Variants in KCNK1 observed in about 807,000 individuals in gnomAD.
KCNK1 encodes potassium channel subfamily K member 1.
Under a neutral mutation model 22.2 loss-of-function variants are expected in KCNK1, and 10 were observed. That is an observed-to-expected ratio of 0.45 (90% CI 0.28 to 0.76). The LOEUF is 0.76. Ranked by LOEUF, KCNK1 falls within the 30% of genes least tolerant of loss-of-function variation. The probability of loss-of-function intolerance (pLI) is 0.14; values close to 1 mark genes in which losing one functional copy is unlikely to be tolerated. For synonymous variants in KCNK1, 200 were observed against 186.4 expected (o/e 1.07, Z -0.60); for missense variants, 378 against 421.0 (o/e 0.90, Z 0.89).
intron 1 of KCNK1, among the ~76,000 whole-genome samples, chr1:233,645,870 A>T (rs544950059): frequency 3.9e-4 from 60 of 152,242 alleles, no homozygotes; most frequent in Non-Finnish European, 3.5e-4. Context: ...TTCTGAAAGT[A>T]GAACCAACAG....
chr1:233,652,017 A>G (rs1658209226), intron 1 of KCNK1, among the ~76,000 whole-genome samples: 1 of 152,192 alleles, frequency 6.6e-6, no homozygotes, highest in Admixed American at 6.5e-5. Context: ...TGAGGCAACA[A>G]AGGTAGCCTT....
rs1658599940 is a variant in KCNK1, at chr1:233,671,583, A to G, written c.*53A>G. On this transcript the variant is annotated 3_prime_UTR_variant, in exon 3 of 3. Coordinates refer to ENST00000366621, the MANE Select transcript of KCNK1 (RefSeq NM_002245.4). ...GCACCAGGGTCAGGGTGCAAGGAAGAGGCTTAAGTATGTTCATTTTTATCA... is the reference window on the plus strand; with the variant it reads ...GCACCAGGGTCAGGGTGCAAGGAAGGGGCTTAAGTATGTTCATTTTTATCA... The G allele has an allele frequency of 2.5e-6, 4 of 1,581,336 alleles. No individual in the cohort carries two copies. Among genetic ancestry groups the G allele is most frequent in the Non-Finnish European group, 3.4e-6 (4 of 1,160,242 alleles).
intron 1 of KCNK1, among the ~76,000 whole-genome samples, chr1:233,629,053 G>C (rs1373425223): frequency 6.6e-6 from 1 of 152,068 alleles, no homozygotes; most frequent in Non-Finnish European, 1.5e-5. Flanking sequence ...TATAATCCTA[G>C]GTCTTTGGAA....
chr1:233,649,464 ACTCTT>A (rs1353680375), intron 1 of KCNK1, among the ~76,000 whole-genome samples: 2 of 152,238 alleles, frequency 1.3e-5, no homozygotes, highest in African/African-American at 4.8e-5. Context: ...TTTTTCCTCT[ACTCTT>A]GCATGAAGAA....
At chr1:233,614,894 A>G (rs1657459499) in intron 1 of KCNK1, among the ~76,000 whole-genome samples, 1 of 152,114 alleles carries the variant, frequency 6.6e-6, no homozygotes, top group Non-Finnish European at 1.5e-5. Flanking sequence ...CACTAAGCCA[A>G]ACTGTCGGGT....
intron 1 of KCNK1, among the ~76,000 whole-genome samples, chr1:233,649,128 C>A (rs1312486995): frequency 1.3e-5 from 2 of 152,182 alleles, no homozygotes; most frequent in Admixed American, 1.3e-4. Flanking sequence ...GTGTATTTTT[C>A]TGCATAGATG....
chr1:233,633,069 C>G (rs1365484325), intron 1 of KCNK1, among the ~76,000 whole-genome samples: 1 of 151,644 alleles, frequency 6.6e-6, no homozygotes, highest in South Asian at 2.1e-4. Context: ...TTCTGTCTGC[C>G]ATTTCAATGA....
At chr1:233,641,892 A>G (rs1658005368) in intron 1 of KCNK1, among the ~76,000 whole-genome samples, 2 of 152,232 alleles carry the variant, frequency 1.3e-5, no homozygotes, top group Admixed American at 1.3e-4. Flanking sequence ...GTCTGCAGGG[A>G]GCCGCTTGGG....
Position 233,671,668 on chromosome 1 carries a change from TA to T in KCNK1, c.*144del. 4.0e-6 allele frequency: 4 copies of T among 1,002,396 alleles called. No individual in the cohort carries two copies. The allele number at this position is 1,002,396 out of a possible 1,614,324, so 62.1% of individuals were successfully genotyped here. A position where few individuals can be genotyped will look rare whatever the true frequency, so the allele number is the denominator to read the frequency against. On this transcript the variant is annotated 3_prime_UTR_variant, in exon 3 of 3. Transcript: ENST00000366621. ...ATAGCTACTGTTTGCAATGTCTTATTAAAAAACAACAAAAAAAGACAAATGG... is the reference window on the plus strand; with the variant it reads ...ATAGCTACTGTTTGCAATGTCTTATTAAAAACAACAAAAAAAGACAAATGG...
intron 1 of KCNK1, chr1:233,629,609 T>C (rs1657755386): frequency 6.6e-6 from 1 of 152,112 alleles, no homozygotes; most frequent in African/African-American, 2.4e-5. Flanking sequence ...TGCACCGTGA[T>C]AAATAGCCTG....
At chr1:233,631,532 AC>A (rs1465509917) in intron 1 of KCNK1, 2 of 329,158 alleles carry the variant, frequency 6.1e-6, no homozygotes, top group East Asian at 1.6e-4. Context: ...CTGCTTGTAG[AC>A]ATTATGGTTT....
In KCNK1 at chr1:233,636,305, G is replaced by A. The variant is rs192598708; in HGVS notation, c.355+21779G>A. Among the ~76,000 whole-genome samples, 25 of 152,290 alleles carry A rather than the reference G, an allele frequency of 1.6e-4. No homozygotes were observed. In the East Asian group the frequency reaches 3.3e-3, roughly 20 times the overall value. ...CTCCTGTTTATGGGAGGCTGGGGCC[G>A]ATCAGGGAGACCAGCTGGGAAGCTA... On this transcript the variant is annotated intron_variant, in intron 1 of 2. Coordinates refer to ENST00000366621, the MANE Select transcript of KCNK1 (RefSeq NM_002245.4).
chr1:233,619,174 C>T (rs1657535234), intron 1 of KCNK1, among the ~76,000 whole-genome samples: 1 of 152,024 alleles, frequency 6.6e-6, no homozygotes, highest in Non-Finnish European at 1.5e-5. Flanking sequence ...CACACCACCG[C>T]ACCTGGCCAA....
At chr1:233,626,837 CAGT>C (rs1408138826) in intron 1 of KCNK1, among the ~76,000 whole-genome samples, 5 of 152,052 alleles carry the variant, frequency 3.3e-5, no homozygotes, top group Non-Finnish European at 5.9e-5. Flanking sequence ...TTAAAATTAA[CAGT>C]AGGATATTTA....
At chr1:233,646,691 AACAG>A (rs1483844376) in intron 1 of KCNK1, among the ~76,000 whole-genome samples, 2 of 152,166 alleles carry the variant, frequency 1.3e-5, no homozygotes, top group Non-Finnish European at 2.9e-5. Flanking sequence ...CAACACGGGA[AACAG>A]ACAGAAATTC....
At position 233,666,839 on chromosome 1, in the gene KCNK1, C is replaced by T. The variant is rs79423692; in HGVS notation, c.600C>T (p.Ala200=). The part of the protein sequence containing the change: ...VTVSCFFFIP[A]AVFSVLEDDW... ...TGTCCTGCTTCTTCTTCATCCCGGC[C>T]GCTGTCTTCTCAGTCCTGGAGGATG... The change falls in exon 2 of 3, where the codon GCC becomes GCT. Residue 200 remains alanine, a synonymous_variant. Transcript: ENST00000366621. The T allele has an allele frequency of 1.3e-4, 208 of 1,614,166 alleles. 1 individual carries two copies. The East Asian group carries it at 3.9e-3, about 30-fold the overall frequency.
chr1:233,662,715 C>T (rs1658419898), intron 1 of KCNK1, among the ~76,000 whole-genome samples: 1 of 152,148 alleles, frequency 6.6e-6, no homozygotes, highest in Admixed American at 6.5e-5. Context: ...GATGCAAGCT[C>T]ATAACAGGAA....
chr1:233,659,592 T>C (rs574295223), intron 1 of KCNK1, among the ~76,000 whole-genome samples: 1 of 152,060 alleles, frequency 6.6e-6, no homozygotes, highest in South Asian at 2.1e-4. Flanking sequence ...TATAATCGTA[T>C]GTGCTATACT....
intron 1 of KCNK1, among the ~76,000 whole-genome samples, chr1:233,665,273 G>A (rs1409459980): frequency 6.6e-6 from 1 of 152,194 alleles, no homozygotes; most frequent in African/African-American, 2.4e-5. Flanking sequence ...CTCATGAGCG[G>A]TACAGAGTAA....
Sources: gnomAD v4.1 joint callset for allele counts (sites outside exome capture counted in the v4.1 genomes callset) on GRCh38, gnomAD v4.1.1 for gene constraint, MANE v1.5 for transcripts, NCBI Gene and HGNC (gene_info 2026-07-23, HGNC 2026-07-21) for gene names.